The following FMN1 variants were observed in gnomAD, a reference collection of about 807,000 sequenced individuals.
The protein encoded by FMN1 is formin 1.
FMN1 carries 110 observed loss-of-function variants against 132.4 expected under a neutral mutation model. That is an observed-to-expected ratio of 0.83 (90% confidence interval 0.71 to 0.97). The LOEUF (loss-of-function observed/expected upper bound fraction) is 0.97, where lower values mean the gene tolerates loss of function less well. FMN1 is among the 50% of genes least tolerant of loss of function. The probability of loss-of-function intolerance (pLI) is 0.00; values close to 1 mark genes in which losing one functional copy is unlikely to be tolerated. For synonymous variants in FMN1, 722 were observed against 651.7 expected (o/e 1.11, Z -1.64); for missense variants, 1,792 against 1,705.3 (o/e 1.05, Z -0.90).
At chr15:32,879,343 A>G (rs1185819347) in intron 16 of FMN1, among the ~76,000 whole-genome samples, 1 of 152,214 alleles carries the variant, frequency 6.6e-6, no homozygotes, top group Non-Finnish European at 1.5e-5. Flanking sequence ...ACCAGAGCTC[A>G]GACTTAGTAA....
intron 6 of FMN1, among the ~76,000 whole-genome samples, chr15:33,017,505 T>C (rs2035125744): frequency 6.6e-6 from 1 of 152,114 alleles, no homozygotes; most frequent in South Asian, 2.1e-4. Context: ...AGAAGTGAAT[T>C]ATCAGTGAGT....
In FMN1 at chr15:33,129,002, T is replaced by TTTTACAGAGTGCTGATTGGTCCA. The variant is rs1483254770; in HGVS notation, c.1867+24045_1867+24046insTGGACCAATCAGCACTCTGTAAA. ...ATTTTACAGAGTGCTGATTGGTCCA[T>TTTTACAGAGTGCTGATTGGTCCA]TTTTACAGAATGCTGATTGGTGCAT... On this transcript the variant is annotated intron_variant, in intron 4 of 20. Coordinates refer to ENST00000616417, the MANE Select transcript of FMN1 (RefSeq NM_001277313.2). 2.4e-3 allele frequency among the ~76,000 whole-genome samples: 234 copies of TTTTACAGAGTGCTGATTGGTCCA among 95,678 alleles called. 2 individuals carry two copies. Among genetic ancestry groups the TTTTACAGAGTGCTGATTGGTCCA allele is most frequent in the African/African-American group, 0.019 (216 of 11,182 alleles). 62.8% of individuals were successfully genotyped at this position (95,678 alleles called of 152,430 possible).
intron 7 of FMN1, among the ~76,000 whole-genome samples, chr15:32,978,856 C>A (rs962462917): frequency 1.6e-4 from 25 of 152,096 alleles, no homozygotes; most frequent in African/African-American, 6.0e-4. Flanking sequence ...CTTACATACT[C>A]CCAACATTTA....
At chr15:33,012,914 A>T (rs2034812462) in intron 6 of FMN1, 1 of 540,114 alleles carries the variant, frequency 1.9e-6, no homozygotes, top group South Asian at 1.5e-5. Context: ...GGCAATTAAA[A>T]CCACCGGTCT....
At chr15:33,127,993 C>CG (rs1450983385) in intron 4 of FMN1, among the ~76,000 whole-genome samples, 1 of 151,818 alleles carries the variant, frequency 6.6e-6, no homozygotes, top group African/African-American at 2.4e-5. Context: ...AGAAGGGCAA[C>CG]GGGGGAAGGG....
intron 6 of FMN1, among the ~76,000 whole-genome samples, chr15:33,018,738 G>C (rs1031464888): frequency 3.3e-5 from 5 of 152,284 alleles, no homozygotes; most frequent in African/African-American, 9.6e-5. Flanking sequence ...GGCGTGTCCG[G>C]AGTTTGTTCC....
intron 4 of FMN1, among the ~76,000 whole-genome samples, chr15:33,109,774 A>ACC (rs1225252282): frequency 6.6e-6 from 1 of 151,248 alleles, no homozygotes; most frequent in African/African-American, 2.4e-5. Flanking sequence ...ATGTACAACA[A>ACC]CCCCCCATGA....
intron 2 of FMN1, among the ~76,000 whole-genome samples, chr15:33,187,823 G>T (rs1265338799): frequency 6.6e-6 from 1 of 152,188 alleles, no homozygotes; most frequent in East Asian, 1.9e-4. Context: ...GCTTGAAATA[G>T]AAATGAACAT....
chr15:33,063,378 A>C (rs1388030875), intron 6 of FMN1: 2 of 152,328 alleles, frequency 1.3e-5, no homozygotes, highest in African/African-American at 4.8e-5. Context: ...AGCTGCCTCC[A>C]CACCACTCAG....
intron 4 of FMN1, among the ~76,000 whole-genome samples, chr15:33,122,632 A>T (rs1001277923): frequency 6.6e-6 from 1 of 152,220 alleles, no homozygotes; most frequent in African/African-American, 2.4e-5. Flanking sequence ...GCCACTAGTG[A>T]CAGGTACAAT....
chr15:32,967,375 G>A (rs374899813), intron 8 of FMN1, among the ~76,000 whole-genome samples: 98 of 152,254 alleles, frequency 6.4e-4, no homozygotes, highest in Middle Eastern at 3.4e-3. Flanking sequence ...CCGTGCTGTC[G>A]GACACACTCG....
At chr15:32,909,480 G>C (rs1266154571) in intron 11 of FMN1, among the ~76,000 whole-genome samples, 2 of 152,220 alleles carry the variant, frequency 1.3e-5, no homozygotes, top group African/African-American at 4.8e-5. Context: ...ATATAAAGAT[G>C]TGAAAATGAG....
At chr15:33,082,200 G>GCAT (rs2038507633) in intron 5 of FMN1, among the ~76,000 whole-genome samples, 1 of 151,786 alleles carries the variant, frequency 6.6e-6, no homozygotes, top group African/African-American at 2.4e-5. Flanking sequence ...AGCCTCCCGA[G>GCAT]CATCTGGGAT....
chr15:32,841,204 T>C (rs935626106), intron 17 of FMN1, among the ~76,000 whole-genome samples: 5 of 152,340 alleles, frequency 3.3e-5, no homozygotes, highest in South Asian at 2.1e-4. Context: ...TAGATGCCTC[T>C]TGGATATTGT....
intron 7 of FMN1, among the ~76,000 whole-genome samples, chr15:32,984,902 T>C (rs2032956257): frequency 6.6e-6 from 1 of 151,158 alleles, no homozygotes; most frequent in Non-Finnish European, 1.5e-5. Context: ...ACATATTTAT[T>C]GATACGTAGG....
chr15:33,171,976 A>G (rs534254752), intron 3 of FMN1, among the ~76,000 whole-genome samples: 28 of 152,028 alleles, frequency 1.8e-4, no homozygotes, highest in Admixed American at 9.8e-4. Context: ...TTGGGAGGCC[A>G]AGGCGGGTGG....
At chr15:32,817,322 A>C (rs975211618) in intron 17 of FMN1, among the ~76,000 whole-genome samples, 5 of 152,254 alleles carry the variant, frequency 3.3e-5, no homozygotes, top group African/African-American at 1.2e-4. Flanking sequence ...AACTGAATTT[A>C]CATGGCCACA....
chr15:32,788,658 T>A (rs2056962052), intron 19 of FMN1, among the ~76,000 whole-genome samples: 1 of 152,172 alleles, frequency 6.6e-6, no homozygotes, highest in South Asian at 2.1e-4. Context: ...GATAAGTAAT[T>A]TAGAAATATT....
chr15:33,178,038 G>A (rs189109919), intron 3 of FMN1, among the ~76,000 whole-genome samples: 32 of 151,956 alleles, frequency 2.1e-4, no homozygotes, highest in East Asian at 1.4e-3. Context: ...AATATGAGGC[G>A]GGTACGGGCA....
Sources: allele counts gnomAD v4.1 joint callset (sites outside exome capture counted in the v4.1 genomes callset), GRCh38; gene constraint gnomAD v4.1.1; transcripts MANE v1.5; gene names NCBI Gene and HGNC (gene_info 2026-07-23, HGNC 2026-07-21).